METTL25: variants seen among roughly 807,000 people sequenced by gnomAD.
The protein encoded by METTL25 is methyltransferase like 25, also known as probable methyltransferase-like protein 25.
A neutral mutation model predicts 71.6 loss-of-function variants in METTL25; 64 were observed. The ratio of observed to expected loss-of-function variants is 0.89; its 90% CI spans 0.73 to 1.10. METTL25 has a LOEUF of 1.10. Among genes scored for constraint, METTL25 ranks in the 50% least tolerant of loss-of-function variants. METTL25 has a pLI of 0.00. For missense variants in METTL25, 807 were observed against 707.0 expected (o/e 1.14, Z -1.60); for synonymous variants, 287 against 250.3 (o/e 1.15, Z -1.38).
At chr12:82,429,254 A>G (rs1188193158) in intron 5 of METTL25, among the ~76,000 whole-genome samples, 2 of 151,636 alleles carry the variant, frequency 1.3e-5, no homozygotes, top group East Asian at 3.9e-4. Context: ...CCCTATCTCC[A>G]TGAGATAATA....
intron 1 of METTL25, among the ~76,000 whole-genome samples, chr12:82,375,700 C>A (rs1156368418): frequency 6.6e-6 from 1 of 152,142 alleles, no homozygotes; most frequent in East Asian, 1.9e-4. Context: ...GAATTTAAAC[C>A]TACTGATGTT....
chr12:82,409,813 A>C (rs960440806), intron 5 of METTL25, among the ~76,000 whole-genome samples: 4 of 152,096 alleles, frequency 2.6e-5, no homozygotes, highest in African/African-American at 9.7e-5. Flanking sequence ...AGATTCCTCC[A>C]TTTACTTAAA....
intron 8 of METTL25, among the ~76,000 whole-genome samples, chr12:82,443,447 A>T (rs552939128): frequency 5.9e-5 from 8 of 136,704 alleles, no homozygotes; most frequent in African/African-American, 2.2e-4. Flanking sequence ...CTGAAAATAC[A>T]TTGTCAGAGG....
intron 1 of METTL25, among the ~76,000 whole-genome samples, chr12:82,380,302 C>T (rs997917851): frequency 4.6e-5 from 7 of 152,042 alleles, no homozygotes; most frequent in African/African-American, 1.4e-4. Flanking sequence ...GATATGATCT[C>T]ATTATTTTTT....
intron 8 of METTL25, 29 bp from the exon 9 acceptor site, chr12:82,456,698 C>T (rs983873978): frequency 7.3e-7 from 1 of 1,370,844 alleles, no homozygotes. Flanking sequence ...ATTGGAAAAA[C>T]TAAAAATTTA....
intron 7 of METTL25, among the ~76,000 whole-genome samples, chr12:82,438,362 C>T (rs1890072317): frequency 6.6e-6 from 1 of 151,716 alleles, no homozygotes; most frequent in Admixed American, 6.6e-5. Flanking sequence ...CACACATATC[C>T]TTCCTGACTC....
intron 5 of METTL25, chr12:82,407,708 C>T (rs1240801816): frequency 1.3e-5 from 7 of 551,098 alleles, no homozygotes; most frequent in Non-Finnish European, 1.6e-5. Context: ...CGTGAGTACC[C>T]TCAAATACTT....
At chr12:82,443,724 G>A (rs1890531989) in intron 8 of METTL25, among the ~76,000 whole-genome samples, 1 of 152,166 alleles carries the variant, frequency 6.6e-6, no homozygotes, top group Admixed American at 6.5e-5. Flanking sequence ...TAGACAGCAT[G>A]TGCAGAAACC....
intron 7 of METTL25, among the ~76,000 whole-genome samples, chr12:82,436,098 T>G (rs1256208431): frequency 4.0e-5 from 6 of 151,462 alleles, no homozygotes; most frequent in Non-Finnish European, 7.4e-5. Context: ...CATAATACTC[T>G]AATGCATTCA....
In METTL25 at chr12:82,456,712, A is replaced by C; in HGVS notation, c.1479-15A>C. On this transcript the variant is annotated splice_polypyrimidine_tract_variant and intron_variant, in intron 8 of 11. Coordinates refer to ENST00000248306, the MANE Select transcript of METTL25 (RefSeq NM_032230.3). ...CATTGGAAAAACTAAAAATTTATTC[A>C]ATTTTGTTTTACAGTGATCGGCATG... 6.7e-7 allele frequency: 1 copy of C among 1,487,508 alleles called. No individual in the cohort carries two copies. Among genetic ancestry groups the C allele is most frequent in the Non-Finnish European group, 9.2e-7 (1 of 1,092,430 alleles). 92.1% of individuals were successfully genotyped at this position (1,487,508 alleles called of 1,614,324 possible). A position where few individuals can be genotyped will look rare whatever the true frequency, so the allele number is the denominator to read the frequency against.
chr12:82,433,751 T>A (rs943484616), intron 6 of METTL25, among the ~76,000 whole-genome samples: 1 of 151,614 alleles, frequency 6.6e-6, no homozygotes, highest in Admixed American at 6.6e-5. Flanking sequence ...AAGTGTGTGA[T>A]TTAGCTATAT....
At position 82,403,125 on chromosome 12, in the gene METTL25, A is replaced by G; in HGVS notation, c.1274A>G (p.His425Arg). 1.2e-6 allele frequency: 2 copies of G among 1,610,966 alleles called. No homozygotes were observed. The highest frequency in any genetic ancestry group is 1.7e-6 in the Non-Finnish European group (2 of 1,178,838). The change falls in exon 5 of 12, where the codon CAT becomes CGT. Residue 425 changes from histidine to arginine, a missense_variant. Physicochemically the swap from His to Arg is conservative, Grantham distance 29. Coordinates refer to ENST00000248306, the MANE Select transcript of METTL25 (RefSeq NM_032230.3). ...HLLSEEFENQHKERTQEKWGF... is the reference protein window; with the variant it reads ...HLLSEEFENQRKERTQEKWGF... ...TTATCTGAAGAATTTGAAAACCAGC[A>G]TAAAGGTACAAGTTCCCCATGTGTC...
intron 8 of METTL25, 157 bp downstream of exon 8, chr12:82,438,948 A>T (rs1890130158): frequency 2.1e-6 from 1 of 483,270 alleles, no homozygotes; most frequent in Non-Finnish European, 3.3e-6. Flanking sequence ...ACTGTATCTT[A>T]GGTTAATTAT....
chr12:82,441,013 G>A (rs1890280279), intron 8 of METTL25, among the ~76,000 whole-genome samples: 1 of 152,026 alleles, frequency 6.6e-6, no homozygotes, highest in Admixed American at 6.6e-5. Context: ...TCAATAGAAA[G>A]ACAGTTCTAG....
At chr12:82,362,604 A>T (rs1882078892) in intron 1 of METTL25, among the ~76,000 whole-genome samples, 1 of 152,182 alleles carries the variant, frequency 6.6e-6, no homozygotes, top group African/African-American at 2.4e-5. Flanking sequence ...TAAAACTTGT[A>T]GGCTGTACTC....
chr12:82,461,897 A>G (rs546031962), intron 9 of METTL25, among the ~76,000 whole-genome samples: 1 of 152,334 alleles, frequency 6.6e-6, no homozygotes, highest in South Asian at 2.1e-4. Context: ...TCAACAAACT[A>G]CAAGCACCTG....
At chr12:82,384,121 C>G (rs907245895) in intron 1 of METTL25, among the ~76,000 whole-genome samples, 2 of 152,096 alleles carry the variant, frequency 1.3e-5, no homozygotes, top group African/African-American at 4.8e-5. Flanking sequence ...GCCAAACAAT[C>G]AAGCCATATA....
chr12:82,436,458 T>A (rs1358536357), intron 7 of METTL25, among the ~76,000 whole-genome samples: 1 of 151,574 alleles, frequency 6.6e-6, no homozygotes, highest in East Asian at 1.9e-4. Flanking sequence ...AGATACTGAT[T>A]CCCTTTCCAC....
intron 9 of METTL25, chr12:82,474,717 T>C (rs573362116): frequency 1.3e-5 from 2 of 152,348 alleles, no homozygotes; most frequent in African/African-American, 2.4e-5. Context: ...GTCTATGATA[T>C]CCAGTTTTGG....
Sources: allele counts gnomAD v4.1 joint callset (sites outside exome capture counted in the v4.1 genomes callset), GRCh38; gene constraint gnomAD v4.1.1; transcripts MANE v1.5; gene names NCBI Gene and HGNC (gene_info 2026-07-23, HGNC 2026-07-21).